LY6K: variants seen among roughly 807,000 people sequenced by gnomAD.
LY6K encodes lymphocyte antigen 6 family member K.
A neutral mutation model predicts 10.4 loss-of-function variants in LY6K; 9 were observed. That is an observed-to-expected ratio of 0.87 (90% CI 0.52 to 1.52). The LOEUF is 1.52. LY6K is among the 40% of genes most tolerant of loss of function. The probability of loss-of-function intolerance (pLI) is 0.00; values close to 1 mark genes in which losing one functional copy is unlikely to be tolerated. For synonymous variants in LY6K, 98 were observed against 83.7 expected (o/e 1.17, Z -0.94); for missense variants, 217 against 211.7 (o/e 1.02, Z -0.15).
chr8:142,701,341 T>C (rs1554640093), intron 1 of LY6K, among the ~76,000 whole-genome samples: 1 of 152,148 alleles, frequency 6.6e-6, no homozygotes, highest in Non-Finnish European at 1.5e-5. Context: ...CCAGGAAGCG[T>C]GGTGCTGGCT....
intron 2 of LY6K, chr8:142,702,509 C>T: frequency 1.0e-5 from 16 of 1,535,720 alleles, no homozygotes; most frequent in Non-Finnish European, 1.2e-5. Context: ...GGGAGATCTT[C>T]AGGGCTCGTG....
intron 2 of LY6K, chr8:142,702,718 C>T (rs888264099): frequency 1.3e-6 from 2 of 1,494,390 alleles, no homozygotes; most frequent in South Asian, 1.3e-5. Context: ...GCCAGGCCCA[C>T]CAAGAGGCCA....
chr8:142,704,566 CT>C lies in LY6K; in HGVS notation c.*1198del, dbSNP rs1815149911. 2 of 152,172 alleles carry C rather than the reference CT, an allele frequency of 1.3e-5. No homozygotes were observed. The highest frequency in any genetic ancestry group is 2.9e-5 in the Non-Finnish European group (2 of 68,040). The allele number at this position is 152,172 out of a possible 1,614,324, so 9.4% of individuals were successfully genotyped here. Reference sequence around the variant, plus strand: ...GTTTTCCTGCTAAATCGTTGGCTGACTTTCTCTATACACTCTCATAATAAGA... The same window carrying C: ...GTTTTCCTGCTAAATCGTTGGCTGACTTCTCTATACACTCTCATAATAAGA... On this transcript the variant is annotated 3_prime_UTR_variant, in exon 3 of 3. Coordinates refer to ENST00000292430, the MANE Select transcript of LY6K (RefSeq NM_017527.4).
At chr8:142,702,303 G>A in intron 2 of LY6K, 1 of 582,272 alleles carries the variant, frequency 1.7e-6, no homozygotes, top group Non-Finnish European at 3.1e-6. Context: ...GCGCCACAGA[G>A]AACAGTGTCT....
At position 142,701,889 on chromosome 8, in the gene LY6K, C is replaced by G. The variant is rs963945837; in HGVS notation, c.217+176C>G. On this transcript the variant is annotated intron_variant, in intron 2 of 2. Transcript: ENST00000292430. Reference sequence around the variant, plus strand: ...GCAGTGGTGTGATCTCGGCTCACTGCAACCTCGCCTTCCGGGTTCAAGCGA... The same window carrying G: ...GCAGTGGTGTGATCTCGGCTCACTGGAACCTCGCCTTCCGGGTTCAAGCGA... The G allele has an allele frequency of 2.4e-5, 13 of 545,534 alleles. No homozygotes were observed. In the African/African-American group the frequency reaches 2.5e-4, roughly 10 times the overall value. 33.8% of individuals were successfully genotyped at this position (545,534 alleles called of 1,614,324 possible).
chr8:142,700,276 C>G lies in LY6K; in HGVS notation c.-252C>G. 1 of 1,187,510 alleles carries G rather than the reference C, an allele frequency of 8.4e-7. No homozygotes were observed. The highest frequency in any genetic ancestry group is 1.6e-5 in the African/African-American group (1 of 62,076). 73.6% of individuals were successfully genotyped at this position (1,187,510 alleles called of 1,614,324 possible). On this transcript the variant is annotated 5_prime_UTR_variant, in exon 1 of 3. Transcript: ENST00000292430. Reference sequence around the variant, plus strand: ...GCTCCCGCGCCCGTTCCTGCCTGGCCGCCGGCCGCTCCAACAGCAGCACAA... The same window carrying G: ...GCTCCCGCGCCCGTTCCTGCCTGGCGGCCGGCCGCTCCAACAGCAGCACAA...
rs758685308 is a variant in LY6K, at chr8:142,700,329, C to G, written c.-199C>G. The G allele has an allele frequency of 1.5e-6, 2 of 1,304,254 alleles. No homozygotes were observed. Among genetic ancestry groups the G allele is most frequent in the Middle Eastern group, 2.9e-4 (1 of 3,426 alleles). The allele number at this position is 1,304,254 out of a possible 1,614,324, so 80.8% of individuals were successfully genotyped here. On this transcript the variant is annotated 5_prime_UTR_variant, in exon 1 of 3. Transcript: ENST00000292430. ...CGGGACTCAGAACCGGCGTTCAGGG[C>G]CGCCAGCGGCCGCGAGGCCCTGAGA...
At chr8:142,702,951 G>T (rs144856171) in intron 2 of LY6K, 140 bp from the exon 3 acceptor site, 2 of 1,551,744 alleles carry the variant, frequency 1.3e-6, no homozygotes, top group South Asian at 1.2e-5. Flanking sequence ...TCGTCCTCCC[G>T]ACTCCCCCTT....
At chr8:142,702,761 G>A (rs2129934875) in intron 2 of LY6K, 1 of 1,484,430 alleles carries the variant, frequency 6.7e-7, no homozygotes, top group East Asian at 2.5e-5. Flanking sequence ...CAGAATGGCT[G>A]GGAGTCATGT....
intron 2 of LY6K, 78 bp from the exon 3 acceptor site, chr8:142,703,013 T>C (rs1815099886): frequency 1.3e-6 from 2 of 1,589,476 alleles, no homozygotes; most frequent in Non-Finnish European, 1.7e-6. Context: ...GGGTGAGGCT[T>C]TGACCCAGAC....
In LY6K at chr8:142,700,477, G is replaced by A. The variant is rs993412665; in HGVS notation, c.-51G>A. On this transcript the variant is annotated 5_prime_UTR_variant, in exon 1 of 3. Transcript: ENST00000292430. ...GCGGAGGCTGCGAAGGTTCCAGAAG[G>A]GCGGGGAGGGGGCGCCGCGCGCTGA... 2.8e-5 allele frequency: 43 copies of A among 1,534,814 alleles called. No homozygotes were observed. The highest frequency in any genetic ancestry group is 3.4e-5 in the Non-Finnish European group (39 of 1,143,178).
Position 142,700,595 on chromosome 8 carries a change from C to G in LY6K, c.68C>G (p.Ala23Gly). The change falls in exon 1 of 3, where the codon GCG becomes GGG. Residue 23 changes from alanine to glycine, a missense_variant. Physicochemically the swap from Ala to Gly is moderately conservative, Grantham distance 60. Coordinates refer to ENST00000292430, the MANE Select transcript of LY6K (RefSeq NM_017527.4). ...GTGTGGACAGACGCCAACCTGACTG[C>G]GAGACAACGAGATCCAGAGGACTCC... ...PRVWTDANLTARQRDPEDSQR... is the reference protein window; with the variant it reads ...PRVWTDANLTGRQRDPEDSQR... 6.4e-7 allele frequency: 1 copy of G among 1,573,830 alleles called. No individual in the cohort carries two copies. Among genetic ancestry groups the G allele is most frequent in the Non-Finnish European group, 8.6e-7 (1 of 1,162,558 alleles).
intron 2 of LY6K, chr8:142,702,078 G>T: frequency 3.4e-6 from 1 of 289,858 alleles, no homozygotes; most frequent in South Asian, 4.6e-5. Flanking sequence ...CAAAGTGCTG[G>T]GATTACAAGC....
At chr8:142,702,506 C>CTG in intron 2 of LY6K, 1 of 1,535,724 alleles carries the variant, frequency 6.5e-7, no homozygotes, top group East Asian at 2.4e-5. Context: ...ACAGGGAGAT[C>CTG]TTCAGGGCTC....
At chr8:142,702,338 A>C (rs764013993) in intron 2 of LY6K, 1 of 641,902 alleles carries the variant, frequency 1.6e-6, no homozygotes, top group Non-Finnish European at 2.7e-6. Context: ...AGAGATGCAC[A>C]AAACCAAGGT....
chr8:142,700,909 C>A (rs1480605370), intron 1 of LY6K, among the ~76,000 whole-genome samples: 4 of 152,128 alleles, frequency 2.6e-5, no homozygotes, highest in African/African-American at 9.7e-5. Flanking sequence ...CCTCCGGGGG[C>A]TTCACGGGCT....
At chr8:142,700,775 C>G in intron 1 of LY6K, 145 bp downstream of exon 1, 2 of 862,980 alleles carry the variant, frequency 2.3e-6, no homozygotes, top group Non-Finnish European at 3.2e-6. Context: ...CTCTGGGGAG[C>G]CTCGCCTCGT....
rs144100705 is a variant in LY6K, at chr8:142,703,301, G to A, written c.428G>A (p.Ser143Asn). 3.5e-5 allele frequency: 57 copies of A among 1,613,514 alleles called. No homozygotes were observed. The highest frequency in any genetic ancestry group is 4.7e-5 in the Non-Finnish European group (55 of 1,179,972). ...GAATATGCTGGGAGCATGGGTGAGA[G>A]CTGTGGTGGGCTGTGGCTGGCCATC... is the stretch of plus-strand genomic sequence containing the variant. ...FKEYAGSMGESCGGLWLAILL... is the reference protein window; with the variant it reads ...FKEYAGSMGENCGGLWLAILL... The change falls in exon 3 of 3, where the codon AGC becomes AAC. Residue 143 changes from serine to asparagine, a missense_variant. Coordinates refer to ENST00000292430, the MANE Select transcript of LY6K (RefSeq NM_017527.4).
At chr8:142,702,423 T>G (rs1815076274) in intron 2 of LY6K, 7 of 1,435,900 alleles carry the variant, frequency 4.9e-6, no homozygotes, top group Non-Finnish European at 6.6e-6. Flanking sequence ...CTGTCATCTG[T>G]GATTCCCCTG....
Sources: gnomAD v4.1 joint callset for allele counts (sites outside exome capture counted in the v4.1 genomes callset) on GRCh38, gnomAD v4.1.1 for gene constraint, MANE v1.5 for transcripts, NCBI Gene and HGNC (gene_info 2026-07-23, HGNC 2026-07-21) for gene names.